TRAPPC9: variants seen among roughly 807,000 people sequenced by gnomAD.
The protein encoded by TRAPPC9 is IKK2 binding protein.
TRAPPC9 carries 83 observed loss-of-function variants against 124.0 expected under a neutral mutation model. That is an observed-to-expected ratio of 0.67 (90% CI 0.56 to 0.80). TRAPPC9 has a LOEUF of 0.80. Ranked by LOEUF, TRAPPC9 falls within the 30% of genes least tolerant of loss-of-function variation. The pLI is 0.00. For missense variants in TRAPPC9, 1,302 were observed against 1,508.3 expected (o/e 0.86, Z 2.27); for synonymous variants, 638 against 617.5 (o/e 1.03, Z -0.49).
Position 139,732,480 on chromosome 8 carries a change from C to T in TRAPPC9, c.3056-278G>A, listed in dbSNP as rs1817903648. On this transcript the variant is annotated intron_variant, in intron 21 of 22. Transcript: ENST00000438773. ...TGGGAGGGCCTCCTGCCACAGCCCA[C>T]CTAGAAGGGGAGGAGCTCTCTAGTG... Among the ~76,000 whole-genome samples the T allele has an allele frequency of 2.0e-5, 3 of 152,324 alleles. No individual in the cohort carries two copies. The Middle Eastern group carries it at 0.01, about 518-fold the overall frequency.
intron 2 of TRAPPC9, among the ~76,000 whole-genome samples, chr8:140,444,583 A>G (rs975633446): frequency 3.9e-5 from 6 of 152,130 alleles, no homozygotes; most frequent in Non-Finnish European, 5.9e-5. Flanking sequence ...AACCCCAGTC[A>G]GGAGCAGTGG....
At chr8:140,271,783 G>A (rs916140363) in intron 15 of TRAPPC9, among the ~76,000 whole-genome samples, 1 of 152,202 alleles carries the variant, frequency 6.6e-6, no homozygotes, top group Non-Finnish European at 1.5e-5. Context: ...ATGAATCTAT[G>A]CCATTAGAAG....
intron 8 of TRAPPC9, 89 bp downstream of exon 8, chr8:140,370,875 G>A (rs554523870): frequency 2.8e-5 from 41 of 1,463,200 alleles, no homozygotes; most frequent in African/African-American, 1.7e-4. Flanking sequence ...CACCAACCAC[G>A]ATGTCTGCCA....
At chr8:140,395,709 T>G (rs1368587765) in intron 7 of TRAPPC9, among the ~76,000 whole-genome samples, 1 of 152,208 alleles carries the variant, frequency 6.6e-6, no homozygotes, top group Non-Finnish European at 1.5e-5. Flanking sequence ...TTAGTCATAC[T>G]TCTTTGTGTG....
At chr8:140,082,167 T>C (rs1405770202) in intron 17 of TRAPPC9, 1 of 152,196 alleles carries the variant, frequency 6.6e-6, no homozygotes, top group Non-Finnish European at 1.5e-5. Flanking sequence ...CTCCAGCCCA[T>C]ATGAAAGCCA....
At chr8:140,243,994 C>G (rs550887846) in intron 16 of TRAPPC9, among the ~76,000 whole-genome samples, 1 of 152,222 alleles carries the variant, frequency 6.6e-6, no homozygotes. Flanking sequence ...AGTGCAAACT[C>G]TATTGTGACC....
chr8:139,998,004 T>C (rs901520823), intron 18 of TRAPPC9, among the ~76,000 whole-genome samples: 3 of 143,096 alleles, frequency 2.1e-5, no homozygotes, highest in South Asian at 4.4e-4. Flanking sequence ...GGGGAGACAA[T>C]GCATCCTACA....
intron 21 of TRAPPC9, among the ~76,000 whole-genome samples, chr8:139,782,057 T>TAA (rs1290830637): frequency 6.6e-6 from 1 of 152,066 alleles, no homozygotes; most frequent in African/African-American, 2.4e-5. Flanking sequence ...ACTTTAAGTG[T>TAA]AAAAAAATAA....
chr8:140,001,163 A>C (rs781211477), intron 18 of TRAPPC9, among the ~76,000 whole-genome samples: 2 of 152,182 alleles, frequency 1.3e-5, no homozygotes, highest in South Asian at 4.1e-4. Context: ...GTTCTCACTC[A>C]TAGGTGGGAG....
At chr8:139,855,550 C>T (rs1332027731) in intron 21 of TRAPPC9, among the ~76,000 whole-genome samples, 3 of 152,230 alleles carry the variant, frequency 2.0e-5, no homozygotes, top group Admixed American at 2.0e-4. Flanking sequence ...CGCGTCATCT[C>T]GGCTCCGCTC....
At chr8:140,031,293 C>T (rs1353189561) in intron 17 of TRAPPC9, among the ~76,000 whole-genome samples, 2 of 152,170 alleles carry the variant, frequency 1.3e-5, no homozygotes, top group Non-Finnish European at 2.9e-5. Context: ...GTCTCCTCAC[C>T]TTAAAACCTG....
At chr8:140,102,707 G>A (rs531543580) in intron 17 of TRAPPC9, among the ~76,000 whole-genome samples, 1 of 152,262 alleles carries the variant, frequency 6.6e-6, no homozygotes, top group Non-Finnish European at 1.5e-5. Context: ...GAAGTGAGCA[G>A]AGACAAGTTT....
intron 13 of TRAPPC9, among the ~76,000 whole-genome samples, chr8:140,285,329 C>G (rs2065452293): frequency 6.6e-6 from 1 of 152,206 alleles, no homozygotes; most frequent in Non-Finnish European, 1.5e-5. Context: ...GCTCCACTGC[C>G]AGGCCACGGC....
chr8:139,901,002 A>AAAT (rs57260430), intron 20 of TRAPPC9, among the ~76,000 whole-genome samples: 29,772 of 124,316 alleles, frequency 0.24, 3,515 homozygotes, highest in African/African-American at 0.41. Context: ...ATAAATAAAT[A>AAAT]AAATAAATAA....
intron 21 of TRAPPC9, among the ~76,000 whole-genome samples, chr8:139,808,318 G>A (rs775432687): frequency 1.1e-4 from 16 of 152,198 alleles, no homozygotes; most frequent in African/African-American, 2.2e-4. Flanking sequence ...AAAATTAGCC[G>A]GGCGTGGTGG....
At chr8:140,407,432 C>T (rs118096325) in intron 5 of TRAPPC9, among the ~76,000 whole-genome samples, 1,896 of 143,350 alleles carry the variant, frequency 0.013, 38 homozygotes, top group Admixed American at 0.056. Flanking sequence ...TGGGGGGGGG[C>T]GGGTCAGAAT....
intron 21 of TRAPPC9, among the ~76,000 whole-genome samples, chr8:139,751,296 G>C (rs1276784929): frequency 6.6e-6 from 1 of 152,186 alleles, no homozygotes; most frequent in Non-Finnish European, 1.5e-5. Context: ...GGGGTCCAGA[G>C]GCTGGGGATG....
In TRAPPC9 at chr8:140,101,532, C is replaced by CTTTTTTTTTTTTTTTTTT. The variant is rs1234280796; in HGVS notation, c.2557-77454_2557-77453insAAAAAAAAAAAAAAAAAA. The stretch of plus-strand genomic sequence containing the variant: ...ACTTGGGTTGGTTTTGTAGGGTTTT[C>CTTTTTTTTTTTTTTTTTT]TTTTTTTTGTTTTTTTTTTTTTTTT... On this transcript the variant is annotated intron_variant, in intron 17 of 22. Transcript: ENST00000438773. Among the ~76,000 whole-genome samples the CTTTTTTTTTTTTTTTTTT allele has an allele frequency of 7.6e-5, 6 of 78,720 alleles. 2 individuals carry two copies. Among genetic ancestry groups the CTTTTTTTTTTTTTTTTTT allele is most frequent in the Admixed American group, 1.4e-4 (1 of 7,182 alleles). 51.6% of individuals were successfully genotyped at this position (78,720 alleles called of 152,430 possible).
intron 21 of TRAPPC9, among the ~76,000 whole-genome samples, chr8:139,863,382 G>A (rs141855427): frequency 2.6e-4 from 40 of 152,348 alleles, no homozygotes; most frequent in Non-Finnish European, 4.6e-4. Flanking sequence ...AGGGCCCAAA[G>A]AAGGGGTGCG....
Sources: gnomAD v4.1 joint callset for allele counts (sites outside exome capture counted in the v4.1 genomes callset) on GRCh38, gnomAD v4.1.1 for gene constraint, MANE v1.5 for transcripts, NCBI Gene and HGNC (gene_info 2026-07-23, HGNC 2026-07-21) for gene names.